SNAP47: variants seen among roughly 807,000 people sequenced by gnomAD.
The protein encoded by SNAP47 is synaptosome associated protein 47, also known as synaptosomal-associated protein 47.
A neutral mutation model predicts 31.4 loss-of-function variants in SNAP47; 20 were observed. That is an observed-to-expected ratio of 0.64 (90% CI 0.45 to 0.93). SNAP47 has a LOEUF of 0.93. SNAP47 is among the 40% of genes least tolerant of loss of function. The pLI is 0.00. For synonymous variants in SNAP47, 194 were observed against 213.4 expected (o/e 0.91, Z 0.79); for missense variants, 492 against 528.5 (o/e 0.93, Z 0.68).
upstream of SNAP47, chr1:227,733,758 C>T: frequency 3.8e-6 from 6 of 1,590,976 alleles, no homozygotes; most frequent in Non-Finnish European, 5.1e-6. Flanking sequence ...AGGCCTGGTC[C>T]AACTGAAGGA....
At chr1:227,733,491 G>T (rs1176505313), upstream of SNAP47, 1 of 1,594,496 alleles carries the variant, frequency 6.3e-7, no homozygotes, top group African/African-American at 1.3e-5. Context: ...TCCAAGGGTG[G>T]GCCAGCAAGC....
chr1:227,774,390 G>A (rs1422570589), intron 4 of SNAP47, among the ~76,000 whole-genome samples: 9 of 151,642 alleles, frequency 5.9e-5, no homozygotes, highest in African/African-American at 7.3e-5. Flanking sequence ...GAGCAATGCC[G>A]GAGGTAGGTT....
chr1:227,762,469 A>G lies in SNAP47; in HGVS notation c.988+2984A>G, dbSNP rs1475055055. On this transcript the variant is annotated intron_variant, in intron 3 of 4. Coordinates refer to ENST00000617596, the MANE Select transcript of SNAP47 (RefSeq NM_053052.4). This position sits in a 1 kb window ranked among gnomAD's most constrained non-coding sequence, Gnocchi z 4.2. ...GCTGCTGTTGTCCATGCGTAGGCAC[A>G]GGGACTCTGTGCCAGCTTCCCTGTG... is the stretch of plus-strand genomic sequence containing the variant. 6.6e-6 allele frequency among the ~76,000 whole-genome samples: 1 copy of G among 152,218 alleles called. No individual in the cohort carries two copies. The highest frequency in any genetic ancestry group is 2.4e-5 in the African/African-American group (1 of 41,468).
At chr1:227,776,109 G>A in intron 4 of SNAP47, 1 of 1,171,790 alleles carries the variant, frequency 8.5e-7, no homozygotes, top group South Asian at 1.7e-5. Context: ...GTCACCCAGG[G>A]CTGCTCCCCT....
intron 4 of SNAP47, chr1:227,775,895 G>A (rs573649766): frequency 3.8e-6 from 5 of 1,303,128 alleles, no homozygotes; most frequent in Admixed American, 4.6e-5. Flanking sequence ...GGCAGCAAGC[G>A]GAAGCTTTTC....
At position 227,735,470 on chromosome 1, in the gene SNAP47, C is replaced by G. The variant is rs762036309; in HGVS notation, c.-75C>G. The stretch of plus-strand genomic sequence containing the variant: ...CGCCGAGCGGCCGAGGCGCCGCGGT[C>G]GGCTCTGGGACTCGTCTGGCGTCCC... On this transcript the variant is annotated 5_prime_UTR_variant, in exon 1 of 5. Transcript: ENST00000617596. The G allele has an allele frequency of 2.1e-6, 3 of 1,435,202 alleles. No individual in the cohort carries two copies. Among genetic ancestry groups the G allele is most frequent in the South Asian group, 1.5e-5 (1 of 66,400 alleles). 88.9% of individuals were successfully genotyped at this position (1,435,202 alleles called of 1,614,324 possible). A position where few individuals can be genotyped will look rare whatever the true frequency, so the allele number is the denominator to read the frequency against.
intron 1 of SNAP47, among the ~76,000 whole-genome samples, chr1:227,739,518 C>T (rs1018383357): frequency 1.3e-5 from 2 of 152,194 alleles, no homozygotes; most frequent in Non-Finnish European, 2.9e-5. Context: ...AGATTGGCCG[C>T]ACCCTACCGC....
At chr1:227,732,048 A>G, upstream of SNAP47, 1 of 379,266 alleles carries the variant, frequency 2.6e-6, no homozygotes, top group South Asian at 2.8e-5. Context: ...GGGCTGGCCT[A>G]TTAAGAGGAG....
At position 227,762,036 on chromosome 1, in the gene SNAP47, G is replaced by A. The variant is rs1329134306; in HGVS notation, c.988+2551G>A. The stretch of plus-strand genomic sequence containing the variant: ...CCTTAGTTCAGGTCACCTGAGTGTG[G>A]GTTGTAGCCACAGCGAGCACCGTCT... On this transcript the variant is annotated intron_variant, in intron 3 of 4. Transcript: ENST00000617596. This position sits in a 1 kb window ranked among gnomAD's most constrained non-coding sequence, Gnocchi z 4.2. Among the ~76,000 whole-genome samples the A allele has an allele frequency of 6.6e-6, 1 of 152,154 alleles. No homozygotes were observed. Among genetic ancestry groups the A allele is most frequent in the Non-Finnish European group, 1.5e-5 (1 of 68,028 alleles).
chr1:227,732,524 G>T (rs139531103), upstream of SNAP47: 1 of 1,613,288 alleles, frequency 6.2e-7, no homozygotes. Flanking sequence ...CCTCTGTGAT[G>T]CGCCCAACAT....
At chr1:227,738,440 TC>T (rs1661378757) in intron 1 of SNAP47, among the ~76,000 whole-genome samples, 1 of 152,066 alleles carries the variant, frequency 6.6e-6, no homozygotes, top group Non-Finnish European at 1.5e-5. Context: ...CACTCTTCTC[TC>T]CCCCCAGTCC....
upstream of SNAP47, chr1:227,734,352 TAAAAAAAAAAAAA>T (rs56684758): frequency 1.2e-4 from 9 of 77,610 alleles, no homozygotes; most frequent in Non-Finnish European, 1.3e-4. Flanking sequence ...CTAGTCTCTT[TAAAAAAAAAAAAA>T]AAAAAAAAAA....
At chr1:227,765,946 G>A (rs1196512494) in intron 3 of SNAP47, among the ~76,000 whole-genome samples, 1 of 152,150 alleles carries the variant, frequency 6.6e-6, no homozygotes, top group Non-Finnish European at 1.5e-5. Context: ...GGAGGGTGGG[G>A]TTGGAAGGTG....
chr1:227,751,619 C>G (rs539475451), intron 2 of SNAP47, among the ~76,000 whole-genome samples: 2 of 152,068 alleles, frequency 1.3e-5, no homozygotes, highest in African/African-American at 2.4e-5. Flanking sequence ...ACAGGCAGGG[C>G]GCCCAGCCTC....
At chr1:227,732,936 T>A (rs1416679810), upstream of SNAP47, 5 of 1,613,066 alleles carry the variant, frequency 3.1e-6, no homozygotes, top group Non-Finnish European at 4.2e-6. Context: ...GACCTCCTCC[T>A]GCACGGCGCA....
chr1:227,770,862 AG>A (rs751380794), intron 4 of SNAP47: 14 of 152,328 alleles, frequency 9.2e-5, no homozygotes, highest in African/African-American at 3.4e-4. Context: ...GGGCGCCTGC[AG>A]TCCCCGGGGG....
rs1332761044 is a variant in SNAP47 at position 227,759,375 on chromosome 1, T to C, written c.878T>C (p.Ile293Thr). The part of the protein sequence containing the change: ...ISAKMPEVIP[I>T]LEVQFSKKME... ...GCCAAGATGCCAGAGGTTATCCCCA[T>C]TTTAGAAGTGCAGTTCAGCAAGAAG... The change falls in exon 3 of 5, where the codon ATT becomes ACT. Residue 293 changes from isoleucine to threonine, a missense_variant. Transcript: ENST00000617596. 2 of 1,614,232 alleles carry C rather than the reference T, an allele frequency of 1.2e-6. No homozygotes were observed. Among genetic ancestry groups the C allele is most frequent in the Admixed American group, 3.3e-5 (2 of 60,030 alleles).
rs1661567260 is a variant in SNAP47 at position 227,741,080 on chromosome 1, T to C, written c.-46+5581T>C. Among the ~76,000 whole-genome samples the C allele has an allele frequency of 6.6e-6, 1 of 150,974 alleles. No individual in the cohort carries two copies. The highest frequency in any genetic ancestry group is 1.5e-5 in the Non-Finnish European group (1 of 67,724). ...ATGGGGGCAGATACCCAGCAGGTGATAGGGGAGGAGCTGATGGAAGGAATG... is the reference window on the plus strand; with the variant it reads ...ATGGGGGCAGATACCCAGCAGGTGACAGGGGAGGAGCTGATGGAAGGAATG... On this transcript the variant is annotated intron_variant, in intron 1 of 4. Coordinates refer to ENST00000617596, the MANE Select transcript of SNAP47 (RefSeq NM_053052.4). The surrounding 1 kb of genome is among the most constrained non-coding windows in gnomAD (Gnocchi z 4.2).
chr1:227,764,070 A>G (rs867544514), intron 3 of SNAP47, among the ~76,000 whole-genome samples: 4 of 152,188 alleles, frequency 2.6e-5, no homozygotes, highest in Non-Finnish European at 4.4e-5. Context: ...AGGTGTCTGG[A>G]ACACTTCCTA....
Sources: allele counts gnomAD v4.1 joint callset (sites outside exome capture counted in the v4.1 genomes callset), GRCh38; gene constraint gnomAD v4.1.1; non-coding constraint Gnocchi (gnomAD v3.1); transcripts MANE v1.5; gene names NCBI Gene and HGNC (gene_info 2026-07-23, HGNC 2026-07-21).